Variants in SDK1 observed in about 807,000 individuals in gnomAD.
SDK1 encodes the protein protein sidekick-1.
A neutral mutation model predicts 245.5 loss-of-function variants in SDK1; 157 were observed. The ratio of observed to expected loss-of-function variants is 0.64; its 90% CI spans 0.56 to 0.73. The LOEUF is 0.73. SDK1 is among the 30% of genes least tolerant of loss of function. The pLI is 0.00. For synonymous variants in SDK1, 1,647 were observed against 1,278.5 expected (o/e 1.29, Z -6.15); for missense variants, 3,583 against 3,002.3 (o/e 1.19, Z -4.52).
At chr7:4,227,709 C>T (rs975616930) in intron 40 of SDK1, among the ~76,000 whole-genome samples, 10 of 152,222 alleles carry the variant, frequency 6.6e-5, no homozygotes, top group South Asian at 2.1e-4. Context: ...ATTGGCATGA[C>T]GTCGGCCCTA....
chr7:3,578,567 T>C (rs549265136), intron 1 of SDK1, among the ~76,000 whole-genome samples: 24 of 151,930 alleles, frequency 1.6e-4, no homozygotes, highest in Admixed American at 1.4e-3. Context: ...TGTATTTCAG[T>C]CCTTATCTCA....
intron 4 of SDK1, among the ~76,000 whole-genome samples, chr7:3,755,001 G>GT: frequency 6.6e-6 from 1 of 152,308 alleles, no homozygotes; most frequent in South Asian, 2.1e-4. Flanking sequence ...GTTTTATAAA[G>GT]TGGGCTTGCT....
At chr7:4,018,794 G>GCC (rs1786628436) in intron 17 of SDK1, among the ~76,000 whole-genome samples, 2 of 152,176 alleles carry the variant, frequency 1.3e-5, no homozygotes, top group African/African-American at 4.8e-5. Context: ...AGATCTGTGA[G>GCC]TGACATGAGC....
chr7:3,966,744 G>C (rs901215636), intron 9 of SDK1, among the ~76,000 whole-genome samples: 2 of 151,884 alleles, frequency 1.3e-5, no homozygotes, highest in African/African-American at 4.8e-5. Flanking sequence ...GTAGTACAGT[G>C]GCACGATCAT....
At chr7:4,019,926 C>T (rs1315533439) in intron 17 of SDK1, among the ~76,000 whole-genome samples, 3 of 152,190 alleles carry the variant, frequency 2.0e-5, no homozygotes, top group Non-Finnish European at 2.9e-5. Context: ...CTTTGAGGGA[C>T]TCAGCCCTCC....
At chr7:3,740,646 G>A (rs772178563) in intron 4 of SDK1, among the ~76,000 whole-genome samples, 1 of 152,170 alleles carries the variant, frequency 6.6e-6, no homozygotes, top group Non-Finnish European at 1.5e-5. Flanking sequence ...AAGACTGTTG[G>A]TTTTCAAGGG....
In SDK1 at chr7:3,819,170, A is replaced by C. The variant is rs576840656; in HGVS notation, c.714-2280A>C. Among the ~76,000 whole-genome samples, 408 of 152,208 alleles carry C rather than the reference A, an allele frequency of 2.7e-3. 3 individuals are homozygous for C. Among genetic ancestry groups the C allele is most frequent in the Non-Finnish European group, 2.9e-3 (196 of 67,992 alleles). ...AGGAACAAAGACTTGGTTTCTGGGA[A>C]ATTAATCTTCATGATCTCCAAAGAT... is the stretch of plus-strand genomic sequence containing the variant. On this transcript the variant is annotated intron_variant, in intron 4 of 44. Coordinates refer to ENST00000404826, the MANE Select transcript of SDK1 (RefSeq NM_152744.4).
chr7:3,413,410 T>A (rs1462183759), intron 1 of SDK1, among the ~76,000 whole-genome samples: 1 of 152,200 alleles, frequency 6.6e-6, no homozygotes, highest in East Asian at 1.9e-4. Flanking sequence ...AAAGATAACT[T>A]GGAGCCAGGT....
chr7:3,995,115 C>T (rs1409677511), intron 14 of SDK1, among the ~76,000 whole-genome samples: 2 of 152,164 alleles, frequency 1.3e-5, no homozygotes, highest in African/African-American at 4.8e-5. Flanking sequence ...TATCTGACCA[C>T]CCCCTGCCTC....
In SDK1 at chr7:3,960,738, G is replaced by A. The variant is rs571135108; in HGVS notation, c.1234+1724G>A. On this transcript the variant is annotated intron_variant, in intron 8 of 44. Transcript: ENST00000404826. ...TTCTCTGTTCCAGCTCTACTGATTC[G>A]GCATAGGGGAGGGGGAAAAAGTGTG... Among the ~76,000 whole-genome samples the A allele has an allele frequency of 1.7e-3, 258 of 152,234 alleles. 1 individual carries two copies. The highest frequency in any genetic ancestry group is 6.0e-3 in the African/African-American group (249 of 41,524).
chr7:3,752,142 C>G (rs1378622721), intron 4 of SDK1, among the ~76,000 whole-genome samples: 4 of 152,198 alleles, frequency 2.6e-5, no homozygotes, highest in South Asian at 2.1e-4. Flanking sequence ...TCGTTTTCAT[C>G]TTGCACAACC....
intron 14 of SDK1, among the ~76,000 whole-genome samples, chr7:3,996,160 CTATT>C (rs1042928700): frequency 2.0e-5 from 3 of 152,112 alleles, no homozygotes; most frequent in African/African-American, 7.2e-5. Context: ...ATTAAATAAT[CTATT>C]TATTTATGGT....
intron 35 of SDK1, among the ~76,000 whole-genome samples, chr7:4,205,499 G>A (rs1414767314): frequency 6.6e-6 from 1 of 152,132 alleles, no homozygotes; most frequent in Non-Finnish European, 1.5e-5. Context: ...CCTAAGCCTG[G>A]TCAGGTATTA....
intron 1 of SDK1, among the ~76,000 whole-genome samples, chr7:3,587,778 C>T (rs973757575): frequency 6.6e-6 from 1 of 152,234 alleles, no homozygotes; most frequent in African/African-American, 2.4e-5. Flanking sequence ...TGCCCCTTGG[C>T]CTTTCCTGAG....
At chr7:3,969,117 C>G in intron 10 of SDK1, 140 bp from the exon 11 acceptor site, 1 of 709,726 alleles carries the variant, frequency 1.4e-6, no homozygotes, top group Middle Eastern at 2.6e-4. Context: ...CCTCCCCCGA[C>G]GTGGGGATTG....
intron 4 of SDK1, among the ~76,000 whole-genome samples, chr7:3,650,533 T>A (rs1274377894): frequency 6.6e-6 from 1 of 152,086 alleles, no homozygotes; most frequent in South Asian, 2.1e-4. Flanking sequence ...AAAGAAATAA[T>A]GTAGGGTGAT....
chr7:4,012,747 C>A (rs1301485626), intron 16 of SDK1, among the ~76,000 whole-genome samples: 1 of 150,934 alleles, frequency 6.6e-6, no homozygotes, highest in Non-Finnish European at 1.5e-5. Context: ...CTAATTTTTG[C>A]ATTTTTGGTA....
intron 1 of SDK1, among the ~76,000 whole-genome samples, chr7:3,422,680 A>G (rs1258138549): frequency 6.6e-6 from 1 of 152,156 alleles, no homozygotes; most frequent in Non-Finnish European, 1.5e-5. Context: ...GTTTATATGC[A>G]TATCTAATGA....
At position 3,344,160 on chromosome 7, in the gene SDK1, T is replaced by C. The variant is rs988523735; in HGVS notation, c.298+42276T>C. 2.6e-5 allele frequency among the ~76,000 whole-genome samples: 4 copies of C among 152,220 alleles called. No homozygotes were observed. The East Asian group carries it at 7.7e-4, about 29-fold the overall frequency. On this transcript the variant is annotated intron_variant, in intron 1 of 44. Transcript: ENST00000404826. ...GTGCAGGGGAAAAAATCTACAGAAT[T>C]AAATGTCTTCAGGATTAGAGAATAC...
Sources: allele counts gnomAD v4.1 joint callset (sites outside exome capture counted in the v4.1 genomes callset), GRCh38; gene constraint gnomAD v4.1.1; transcripts MANE v1.5; gene names NCBI Gene and HGNC (gene_info 2026-07-23, HGNC 2026-07-21).